The following RASSF3 variants were observed in gnomAD, a reference collection of about 807,000 sequenced individuals.
RASSF3 encodes ras association domain-containing protein 3.
In RASSF3, 19 loss-of-function variants were observed where a neutral mutation model predicts 19.9. That is an observed-to-expected ratio of 0.96 (90% CI 0.67 to 1.40). The LOEUF (loss-of-function observed/expected upper bound fraction) is 1.40, where lower values mean the gene tolerates loss of function less well. Among genes scored for constraint, RASSF3 ranks in the 40% most tolerant of loss-of-function variants. RASSF3 has a pLI of 0.00. For synonymous variants in RASSF3, 110 were observed against 104.2 expected, an observed-to-expected ratio of 1.06 and a Z score of -0.34; for missense variants, 306 against 289.8, an observed-to-expected ratio of 1.06 and a Z score of -0.41.
chr12:64,551,470 G>C (rs1869159142), intron 2 of RASSF3, among the ~76,000 whole-genome samples: 1 of 152,040 alleles, frequency 6.6e-6, no homozygotes. Context: ...CAGCTACTTA[G>C]GAGGCTGAGG....
chr12:64,664,763 T>C (rs1169318658), intron 1 of RASSF3, among the ~76,000 whole-genome samples: 1 of 152,170 alleles, frequency 6.6e-6, no homozygotes, highest in African/African-American at 2.4e-5. Context: ...ATCACAAAAT[T>C]ACTCAATAGT....
intron 1 of RASSF3, among the ~76,000 whole-genome samples, chr12:64,540,673 A>T (rs1868919515): frequency 6.6e-6 from 1 of 152,228 alleles, no homozygotes; most frequent in African/African-American, 2.4e-5. Flanking sequence ...TTGATAGGTG[A>T]GGCTGTGCTG....
At position 64,610,705 on chromosome 12, in the gene RASSF3, A is replaced by G; in HGVS notation, c.73A>G (p.Arg25Gly). 1 of 1,595,006 alleles carries G rather than the reference A, an allele frequency of 6.3e-7. No homozygotes were observed. Among genetic ancestry groups the G allele is most frequent in the Non-Finnish European group, 8.5e-7 (1 of 1,172,422 alleles). Reference sequence around the variant, plus strand: ...CTTCACCGCCAGGACCTCCTTCTTCAGGAGAGCGCCCCAGGGCAAGCCCCG... The same window carrying G: ...CTTCACCGCCAGGACCTCCTTCTTCGGGAGAGCGCCCCAGGGCAAGCCCCG... ...FFFTARTSFF[R>G]RAPQGKPRSG... Residue 25 changes from arginine (R) to glycine (G), a missense_variant, in exon 1 of 5, where the codon AGG becomes GGG. Physicochemically the swap from Arg to Gly is moderately radical, Grantham distance 125. Transcript: ENST00000542104.
intron 2 of RASSF3, among the ~76,000 whole-genome samples, chr12:64,571,736 T>G (rs1274006684): frequency 1.3e-5 from 2 of 152,132 alleles, no homozygotes; most frequent in East Asian, 3.8e-4. Context: ...CACTTTTTTT[T>G]TGTGCTGTTC....
intron 1 of RASSF3, among the ~76,000 whole-genome samples, chr12:64,672,472 C>T (rs972036053): frequency 1.3e-5 from 2 of 152,216 alleles, no homozygotes. Flanking sequence ...ATGTTCCACC[C>T]ACCTCGGCCT....
At chr12:64,647,574 C>A (rs1430664260) in intron 1 of RASSF3, among the ~76,000 whole-genome samples, 3 of 152,024 alleles carry the variant, frequency 2.0e-5, no homozygotes, top group South Asian at 4.1e-4. Context: ...CCACGCCCGG[C>A]TAATTTTTTG....
intron 2 of RASSF3, among the ~76,000 whole-genome samples, chr12:64,591,064 T>G (rs998794852): frequency 7.9e-5 from 12 of 152,016 alleles, no homozygotes; most frequent in African/African-American, 2.9e-4. Flanking sequence ...TGCTAAGAGG[T>G]TTCTTCACAT....
intron 1 of RASSF3, among the ~76,000 whole-genome samples, chr12:64,658,877 T>C (rs553924533): frequency 6.4e-4 from 98 of 152,254 alleles, no homozygotes; most frequent in Admixed American, 1.9e-3. Context: ...TAAGACCAGC[T>C]TGGGCAACAT....
chr12:64,674,272 A>G (rs935361439), intron 1 of RASSF3, among the ~76,000 whole-genome samples: 3 of 152,222 alleles, frequency 2.0e-5, no homozygotes, highest in Non-Finnish European at 2.9e-5. Flanking sequence ...CTTCATGCCA[A>G]TTGATAAGAT....
At chr12:64,566,016 C>A (rs1037791535) in intron 2 of RASSF3, among the ~76,000 whole-genome samples, 2 of 152,042 alleles carry the variant, frequency 1.3e-5, no homozygotes, top group Non-Finnish European at 2.9e-5. Flanking sequence ...GCCTGGCCAA[C>A]ATGGTGAAAC....
chr12:64,608,093 AT>A (rs565114792), upstream of RASSF3, among the ~76,000 whole-genome samples: 1 of 150,554 alleles, frequency 6.6e-6, no homozygotes. Flanking sequence ...TAAAAAAATC[AT>A]TTTTTTTTAG....
At chr12:64,568,220 CAG>C (rs2136128931) in intron 2 of RASSF3, among the ~76,000 whole-genome samples, 1 of 151,760 alleles carries the variant, frequency 6.6e-6, no homozygotes, top group African/African-American at 2.4e-5. Flanking sequence ...TTAGTAGAGA[CAG>C]GGGTTTCACC....
In RASSF3 at chr12:64,575,413, C is replaced by T. The variant is rs981157175; in HGVS notation, c.294+33708C>T. 3.3e-5 allele frequency among the ~76,000 whole-genome samples: 5 copies of T among 152,158 alleles called. No homozygotes were observed. The South Asian group carries it at 6.2e-4, about 19-fold the overall frequency. The stretch of plus-strand genomic sequence containing the variant: ...CTAAAAATACAAAAAATTAGCCAGG[C>T]GTGGTGGTGGACACCTGTAGTCCCA... On this transcript the variant is annotated intron_variant, in intron 2 of 5. Coordinates refer to the RASSF3 transcript ENST00000637125.
chr12:64,574,294 G>A (rs1379819825), intron 2 of RASSF3, among the ~76,000 whole-genome samples: 1 of 149,498 alleles, frequency 6.7e-6, no homozygotes, highest in Non-Finnish European at 1.5e-5. Context: ...CTGGGCGACA[G>A]AGCGAGACTC....
intron 2 of RASSF3, among the ~76,000 whole-genome samples, chr12:64,601,977 C>T (rs996981974): frequency 4.0e-5 from 6 of 150,946 alleles, no homozygotes; most frequent in Admixed American, 2.6e-4. Flanking sequence ...ATTAGCCGGG[C>T]GTGGTGGCGG....
At chr12:64,685,966 C>G (rs1232046944) in intron 2 of RASSF3, among the ~76,000 whole-genome samples, 2 of 152,110 alleles carry the variant, frequency 1.3e-5, no homozygotes, top group African/African-American at 4.8e-5. Flanking sequence ...TGGTAAAGGA[C>G]AAGGTGATTG....
At chr12:64,523,219 A>C (rs1868514793) in intron 1 of RASSF3, among the ~76,000 whole-genome samples, 1 of 152,166 alleles carries the variant, frequency 6.6e-6, no homozygotes, top group Non-Finnish European at 1.5e-5. Flanking sequence ...CAGCCTGGCC[A>C]ACATGGCGAA....
chr12:64,643,838 C>G (rs1019733521), intron 1 of RASSF3, among the ~76,000 whole-genome samples: 4 of 152,096 alleles, frequency 2.6e-5, no homozygotes, highest in Admixed American at 6.5e-5. Context: ...TTCACTTTAT[C>G]TCAGAGTTTC....
In RASSF3 at chr12:64,688,207, C is replaced by G; in HGVS notation, c.220-9C>G. 1 of 1,604,462 alleles carries G rather than the reference C, an allele frequency of 6.2e-7. No individual in the cohort carries two copies. Among genetic ancestry groups the G allele is most frequent in the Non-Finnish European group, 8.5e-7 (1 of 1,171,148 alleles). On this transcript the variant is annotated splice_polypyrimidine_tract_variant and intron_variant, in intron 2 of 4. Coordinates refer to ENST00000542104, the MANE Select transcript of RASSF3 (RefSeq NM_178169.4). ...CCCAGCTAAGTGTGTGCTTCTCTCC[C>G]TGCTTCAGAATTCAAATGGGATTTA...
Sources: gnomAD v4.1 joint callset for allele counts (sites outside exome capture counted in the v4.1 genomes callset) on GRCh38, gnomAD v4.1.1 for gene constraint, MANE v1.5 for transcripts, NCBI Gene and HGNC (gene_info 2026-07-23, HGNC 2026-07-21) for gene names.